The following ACTR3C variants were observed in gnomAD, a reference collection of about 807,000 sequenced individuals.
ACTR3C encodes actin related protein 3C.
ACTR3C carries 18 observed loss-of-function variants against 26.3 expected under a neutral mutation model. The ratio of observed to expected loss-of-function variants is 0.68; its 90% CI spans 0.47 to 1.01. The LOEUF is 1.01. Ranked by LOEUF, ACTR3C falls within the 50% of genes least tolerant of loss-of-function variation. The pLI is 0.00. For synonymous variants in ACTR3C, 55 were observed against 94.5 expected, an observed-to-expected ratio of 0.58 and a Z score of 2.42; for missense variants, 184 against 250.7, an observed-to-expected ratio of 0.73 and a Z score of 1.80.
the ACTR3C span, among the ~76,000 whole-genome samples, chr7:150,219,206 G>GC: frequency 1.4e-5 from 2 of 144,462 alleles, 1 homozygote; most frequent in African/African-American, 5.7e-5. Context: ...GCTAATACAT[G>GC]CCCCAAACCC....
At chr7:150,187,419 T>C in the ACTR3C span, among the ~76,000 whole-genome samples, 7 of 151,714 alleles carry the variant, frequency 4.6e-5, no homozygotes, top group Non-Finnish European at 1.0e-4. Flanking sequence ...TCTTGTACAA[T>C]CACAGCAGTT....
chr7:150,046,442 C>A, the ACTR3C span, among the ~76,000 whole-genome samples: 1 of 144,568 alleles, frequency 6.9e-6, no homozygotes, highest in African/African-American at 2.6e-5. Context: ...ATGACCAAAA[C>A]CACCTACTCA....
chr7:150,111,460 C>T, the ACTR3C span, among the ~76,000 whole-genome samples: 1 of 88,920 alleles, frequency 1.1e-5, no homozygotes, highest in Non-Finnish European at 2.2e-5. Flanking sequence ...ATACTCACTC[C>T]CCCACACTCA....
the ACTR3C span, among the ~76,000 whole-genome samples, chr7:149,990,991 C>T: frequency 3.3e-5 from 5 of 152,250 alleles, no homozygotes; most frequent in South Asian, 1.0e-3. Context: ...TCAGTCTGTT[C>T]TCATGCTGCT....
the ACTR3C span, among the ~76,000 whole-genome samples, chr7:150,237,326 G>T: frequency 1.3e-5 from 2 of 152,168 alleles, no homozygotes; most frequent in East Asian, 1.9e-4. Context: ...CTGCCTGAGG[G>T]CTTTTGCTGC....
At chr7:149,960,636 G>C in the ACTR3C span, among the ~76,000 whole-genome samples, 1 of 152,062 alleles carries the variant, frequency 6.6e-6, no homozygotes, top group East Asian at 1.9e-4. Flanking sequence ...GACAGTCTTG[G>C]AGTCGACTGT....
chr7:150,255,126 C>T (rs557955484), intron 6 of ACTR3C, among the ~76,000 whole-genome samples: 29 of 151,454 alleles, frequency 1.9e-4, no homozygotes, highest in African/African-American at 5.8e-4. Context: ...AAAGTCACAG[C>T]GTAAGAACAT....
the ACTR3C span, among the ~76,000 whole-genome samples, chr7:150,140,586 T>C: frequency 1.3e-5 from 2 of 152,196 alleles, no homozygotes; most frequent in Non-Finnish European, 2.9e-5. Flanking sequence ...GATATCTAAG[T>C]GATACCAGAT....
the ACTR3C span, among the ~76,000 whole-genome samples, chr7:150,105,720 C>T: frequency 2.6e-5 from 4 of 152,096 alleles, no homozygotes; most frequent in East Asian, 7.7e-4. Flanking sequence ...ATTGAGAAGA[C>T]AAACTCAAAG....
chr7:150,212,016 A>G, the ACTR3C span, among the ~76,000 whole-genome samples: 665 of 135,458 alleles, frequency 4.9e-3, 5 homozygotes, highest in African/African-American at 0.019. Context: ...TAAAAAGGAA[A>G]ATACAGACAC....
rs535331086 is a variant in ACTR3C, at chr7:150,278,088, C to A, written c.564+6665G>T. Among the ~76,000 whole-genome samples, 14 of 152,286 alleles carry A rather than the reference C, an allele frequency of 9.2e-5. No homozygotes were observed. The South Asian group carries it at 2.9e-3, about 32-fold the overall frequency. Reference sequence around the variant, plus strand: ...TCCCAGGCTTCACACTCCCCATTCCCACATTCAAACATGAGGTCCAGGGAG... The same window carrying A: ...TCCCAGGCTTCACACTCCCCATTCCAACATTCAAACATGAGGTCCAGGGAG... On this transcript the variant is annotated intron_variant, in intron 6 of 7. Coordinates refer to ENST00000683684, the MANE Select transcript of ACTR3C (RefSeq NM_001164458.2).
At chr7:150,141,770 G>C in the ACTR3C span, among the ~76,000 whole-genome samples, 1 of 152,000 alleles carries the variant, frequency 6.6e-6, no homozygotes, top group African/African-American at 2.4e-5. Context: ...CTACAAGCAG[G>C]GGGTGTGGGA....
At chr7:150,212,947 G>A in the ACTR3C span, among the ~76,000 whole-genome samples, 1 of 151,296 alleles carries the variant, frequency 6.6e-6, no homozygotes, top group Non-Finnish European at 1.5e-5. Flanking sequence ...TACCTCTAAA[G>A]TTAGATCCTA....
the ACTR3C span, among the ~76,000 whole-genome samples, chr7:150,118,044 A>C: frequency 6.6e-6 from 1 of 152,162 alleles, no homozygotes; most frequent in African/African-American, 2.4e-5. Context: ...CATCGACATA[A>C]ACAAAAAGGA....
chr7:149,896,379 C>T, the ACTR3C span, among the ~76,000 whole-genome samples: 1 of 152,088 alleles, frequency 6.6e-6, no homozygotes, highest in Admixed American at 6.5e-5. Flanking sequence ...CTCTCTCCTC[C>T]AAAATGCATA....
At chr7:149,959,654 T>A in the ACTR3C span, among the ~76,000 whole-genome samples, 1 of 152,198 alleles carries the variant, frequency 6.6e-6, no homozygotes, top group African/African-American at 2.4e-5. Context: ...AAACTAGACA[T>A]GCCAGAGGCA....
At chr7:150,221,638 A>T in the ACTR3C span, among the ~76,000 whole-genome samples, 2 of 152,226 alleles carry the variant, frequency 1.3e-5, no homozygotes, top group Non-Finnish European at 2.9e-5. Context: ...GGAAGAAGTT[A>T]GACTAATTTA....
chr7:150,236,087 A>G, the ACTR3C span, among the ~76,000 whole-genome samples: 1 of 152,230 alleles, frequency 6.6e-6, no homozygotes, highest in Non-Finnish European at 1.5e-5. Flanking sequence ...TCCAGCCTTT[A>G]CAGCAGAGGG....
intron 6 of ACTR3C, among the ~76,000 whole-genome samples, chr7:150,256,064 C>G (rs1270342563): frequency 1.3e-5 from 2 of 152,176 alleles, no homozygotes. Context: ...TGTTTTAAGA[C>G]CCTACAGAAG....
Sources: gnomAD v4.1 joint callset for allele counts (sites outside exome capture counted in the v4.1 genomes callset) on GRCh38, gnomAD v4.1.1 for gene constraint, MANE v1.5 for transcripts, NCBI Gene and HGNC (gene_info 2026-07-23, HGNC 2026-07-21) for gene names.